RNF43: variants seen among roughly 807,000 people sequenced by gnomAD.
RNF43 encodes the protein E3 ubiquitin-protein ligase RNF43.
RNF43 carries 37 observed loss-of-function variants against 78.4 expected under a neutral mutation model. The observed-to-expected ratio is 0.47, with a 90% CI of 0.36 to 0.62. RNF43 has a LOEUF of 0.62. RNF43 is among the 20% of genes least tolerant of loss of function. The probability of loss-of-function intolerance (pLI) is 0.00; values close to 1 mark genes in which losing one functional copy is unlikely to be tolerated. For synonymous variants in RNF43, 347 were observed against 395.0 expected, an observed-to-expected ratio of 0.88 and a Z score of 1.44; for missense variants, 774 against 1,007.9, an observed-to-expected ratio of 0.77 and a Z score of 3.14.
At chr17:58,380,143 A>C (rs1419602963) in intron 2 of RNF43, among the ~76,000 whole-genome samples, 2 of 152,170 alleles carry the variant, frequency 1.3e-5, no homozygotes, top group East Asian at 3.8e-4. Context: ...AATCATACTA[A>C]TTAGTTCTGG....
chr17:58,357,801 CCCCCCG>C lies in RNF43; in HGVS notation c.1969_1974del (p.Arg657_Gly658del). Reference sequence around the variant, plus strand: ...GAGCCAGGGGTGGGCTCGGAGGGACCCCCCCGCCTTTTCCTCTGTGGGTGTCGGGCA... The same window carrying C: ...GAGCCAGGGGTGGGCTCGGAGGGACCCCTTTTCCTCTGTGGGTGTCGGGCA... On this transcript the variant is annotated inframe_deletion, in exon 9 of 10. Transcript: ENST00000407977. This position sits in a 1 kb window ranked among gnomAD's most constrained non-coding sequence, Gnocchi z 4.5. The C allele has an allele frequency of 1.2e-6, 2 of 1,614,090 alleles. No individual in the cohort carries two copies. Among genetic ancestry groups the C allele is most frequent in the East Asian group, 4.5e-5 (2 of 44,880 alleles).
intron 2 of RNF43, among the ~76,000 whole-genome samples, chr17:58,396,115 G>A (rs1286416355): frequency 6.6e-6 from 1 of 152,090 alleles, no homozygotes; most frequent in Non-Finnish European, 1.5e-5. Context: ...AGTGAACCCA[G>A]TATAGCATAT....
At chr17:58,399,316 T>C (rs370777391) in intron 2 of RNF43, among the ~76,000 whole-genome samples, 33 of 152,270 alleles carry the variant, frequency 2.2e-4, no homozygotes, top group Admixed American at 1.2e-3. Flanking sequence ...CAAAGGATGG[T>C]CTTTACCTGA....
At position 58,357,301 on chromosome 17, in the gene RNF43, C is replaced by T. The variant is rs769552196; in HGVS notation, c.2308+167G>A. ...CTGGCAGAGGTGGGGTGTTCCTGCACTCTAGCCAGCATGATACGCTGTCCC... is the reference window on the plus strand; with the variant it reads ...CTGGCAGAGGTGGGGTGTTCCTGCATTCTAGCCAGCATGATACGCTGTCCC... On this transcript the variant is annotated intron_variant, in intron 9 of 9. Coordinates refer to ENST00000407977, the MANE Select transcript of RNF43 (RefSeq NM_017763.6). This position sits in a 1 kb window ranked among gnomAD's most constrained non-coding sequence, Gnocchi z 4.5. The T allele has an allele frequency of 1.1e-6, 1 of 894,630 alleles. No homozygotes were observed. Among genetic ancestry groups the T allele is most frequent in the Admixed American group, 2.0e-5 (1 of 50,474 alleles). 55.4% of individuals were successfully genotyped at this position (894,630 alleles called of 1,614,324 possible). A position where few individuals can be genotyped will look rare whatever the true frequency, so the allele number is the denominator to read the frequency against.
chr17:58,401,002 A>C (rs547863853), intron 2 of RNF43, among the ~76,000 whole-genome samples: 1 of 152,228 alleles, frequency 6.6e-6, no homozygotes, highest in South Asian at 2.1e-4. Flanking sequence ...GGTAACCTAC[A>C]TTTCTGGGAA....
chr17:58,415,188 A>T (rs1974097128), intron 2 of RNF43, 138 bp downstream of exon 2: 1 of 810,560 alleles, frequency 1.2e-6, no homozygotes, highest in Admixed American at 2.6e-5. Flanking sequence ...TAGAATGCCA[A>T]TAAGGCAGTA....
chr17:58,354,869 GAGC>G lies in RNF43; in HGVS notation c.*71_*73del. The stretch of plus-strand genomic sequence containing the variant: ...TTGCTGTGGTCCTTTCCTTTCCCAG[GAGC>G]AGGACTCTGTGCCAGGTAGGGCCCA... On this transcript the variant is annotated 3_prime_UTR_variant, in exon 10 of 10. Coordinates refer to ENST00000407977, the MANE Select transcript of RNF43 (RefSeq NM_017763.6). 1 of 1,332,336 alleles carries G rather than the reference GAGC, an allele frequency of 7.5e-7. No individual in the cohort carries two copies. The highest frequency in any genetic ancestry group is 1.1e-6 in the Non-Finnish European group (1 of 923,720). 82.5% of individuals were successfully genotyped at this position (1,332,336 alleles called of 1,614,324 possible). A position where few individuals can be genotyped will look rare whatever the true frequency, so the allele number is the denominator to read the frequency against.
In RNF43 at chr17:58,393,442, A is replaced by G. The variant is rs541374783; in HGVS notation, c.252+21884T>C. 1.4e-4 allele frequency among the ~76,000 whole-genome samples: 21 copies of G among 152,218 alleles called. No individual in the cohort carries two copies. The East Asian group carries it at 1.5e-3, about 11-fold the overall frequency. ...ATTCTCTTATGATTTTCTTAGTAAT[A>G]TTTTCTTTTTTCTAACTTACATTAT... On this transcript the variant is annotated intron_variant, in intron 2 of 9. Coordinates refer to ENST00000407977, the MANE Select transcript of RNF43 (RefSeq NM_017763.6).
chr17:58,359,542 T>C (rs1200883287), intron 8 of RNF43, among the ~76,000 whole-genome samples: 2 of 151,530 alleles, frequency 1.3e-5, no homozygotes, highest in African/African-American at 4.9e-5. Flanking sequence ...AGGCGGAGCT[T>C]GCAGTGAGCC....
chr17:58,388,972 C>CCAGA (rs1485534586), intron 2 of RNF43, among the ~76,000 whole-genome samples: 2 of 152,184 alleles, frequency 1.3e-5, no homozygotes, highest in African/African-American at 2.4e-5. Flanking sequence ...ATTACAAAGG[C>CCAGA]TACTGCATGC....
chr17:58,405,356 C>T (rs991862473), intron 2 of RNF43, among the ~76,000 whole-genome samples: 2 of 152,048 alleles, frequency 1.3e-5, no homozygotes, highest in Admixed American at 6.6e-5. Context: ...GGATTACAGG[C>T]GTGAGCCACC....
chr17:58,353,007 C>T (rs1160007782), downstream of RNF43: 1 of 217,938 alleles, frequency 4.6e-6, no homozygotes, highest in Non-Finnish European at 9.2e-6. Flanking sequence ...ACAAAGGCCC[C>T]TTCTGGCCCT....
At chr17:58,384,567 C>T (rs1973392236) in intron 2 of RNF43, among the ~76,000 whole-genome samples, 1 of 152,090 alleles carries the variant, frequency 6.6e-6, no homozygotes, top group African/African-American at 2.4e-5. Flanking sequence ...TTTTACTCTC[C>T]CTTTATTAGT....
At chr17:58,408,164 T>A (rs1179204888) in intron 2 of RNF43, among the ~76,000 whole-genome samples, 1 of 152,260 alleles carries the variant, frequency 6.6e-6, no homozygotes, top group African/African-American at 2.4e-5. Context: ...GTTTTGAGAA[T>A]TTGGTTTAAT....
At chr17:58,396,902 C>T (rs1200485526) in intron 2 of RNF43, among the ~76,000 whole-genome samples, 1 of 152,042 alleles carries the variant, frequency 6.6e-6, no homozygotes, top group East Asian at 1.9e-4. Flanking sequence ...TCAAATAATT[C>T]TCTGTCACTG....
chr17:58,369,005 GC>G (rs563483365), intron 3 of RNF43, among the ~76,000 whole-genome samples: 34 of 152,128 alleles, frequency 2.2e-4, no homozygotes, highest in African/African-American at 8.2e-4. Flanking sequence ...GGCAGCCCCA[GC>G]CCAGCTCCCA....
chr17:58,376,749 G>A (rs182993879), intron 2 of RNF43, among the ~76,000 whole-genome samples: 1 of 152,278 alleles, frequency 6.6e-6, no homozygotes, highest in African/African-American at 2.4e-5. Context: ...GTGACACCAG[G>A]GGAGGGTCAA....
chr17:58,387,552 G>A (rs1034419507), intron 2 of RNF43, among the ~76,000 whole-genome samples: 2 of 151,984 alleles, frequency 1.3e-5, no homozygotes, highest in Non-Finnish European at 1.5e-5. Context: ...TCAAGAGGCT[G>A]AGGCAGGAGA....
intron 3 of RNF43, 113 bp from the exon 4 acceptor site, chr17:58,363,713 C>A: frequency 1.2e-6 from 1 of 827,856 alleles, no homozygotes; most frequent in Non-Finnish European, 1.9e-6. Context: ...GCCCACAGCA[C>A]ATCTTTGCAC....
Sources: allele counts gnomAD v4.1 joint callset (sites outside exome capture counted in the v4.1 genomes callset), GRCh38; gene constraint gnomAD v4.1.1; non-coding constraint Gnocchi (gnomAD v3.1); transcripts MANE v1.5; gene names NCBI Gene and HGNC (gene_info 2026-07-23, HGNC 2026-07-21).